The following CRB1 variants were observed in gnomAD, a reference collection of about 807,000 sequenced individuals.
The protein encoded by CRB1 is crumbs cell polarity complex component 1, also known as protein crumbs homolog 1.
Under a neutral mutation model 120.0 loss-of-function variants are expected in CRB1, and 83 were observed. The ratio of observed to expected loss-of-function variants is 0.69; its 90% CI spans 0.58 to 0.83. The LOEUF is 0.83. CRB1 is among the 40% of genes least tolerant of loss of function. CRB1 has a pLI of 0.00. For missense variants in CRB1, 1,699 were observed against 1,687.6 expected (o/e 1.01, Z -0.12); for synonymous variants, 625 against 612.5 (o/e 1.02, Z -0.30).
intron 5 of CRB1, among the ~76,000 whole-genome samples, chr1:197,411,418 T>G (rs1381740934): frequency 6.6e-6 from 1 of 152,192 alleles, no homozygotes; most frequent in Non-Finnish European, 1.5e-5. Flanking sequence ...TATTAGTAAA[T>G]TATTATCAAT....
At chr1:197,474,790 C>G (rs2125568564) in intron 11 of CRB1, among the ~76,000 whole-genome samples, 1 of 152,278 alleles carries the variant, frequency 6.6e-6, no homozygotes. Flanking sequence ...CAACAGATGA[C>G]ATGATTTACC....
chr1:197,285,980 A>G (rs1228600296), intron 1 of CRB1, among the ~76,000 whole-genome samples: 1 of 151,786 alleles, frequency 6.6e-6, no homozygotes, highest in African/African-American at 2.4e-5. Flanking sequence ...CTCAAGACTT[A>G]GAATGTGAGG....
intron 5 of CRB1, among the ~76,000 whole-genome samples, chr1:197,399,266 A>C (rs1662937577): frequency 6.6e-6 from 1 of 152,128 alleles, no homozygotes; most frequent in East Asian, 1.9e-4. Context: ...ACTTTAATGC[A>C]ACTGTTGATT....
intron 11 of CRB1, chr1:197,443,404 T>C (rs1396840488): frequency 6.6e-6 from 1 of 152,030 alleles, no homozygotes; most frequent in African/African-American, 2.4e-5. Context: ...TTTCCTGCAA[T>C]ACTTTCCCTT....
chr1:197,372,047 C>A (rs1310066442), intron 5 of CRB1, among the ~76,000 whole-genome samples: 1 of 152,070 alleles, frequency 6.6e-6, no homozygotes, highest in Non-Finnish European at 1.5e-5. Context: ...ATGAATATGC[C>A]ACTCCATGAG....
chr1:197,389,669 A>G (rs1439819630), intron 5 of CRB1, among the ~76,000 whole-genome samples: 2 of 152,038 alleles, frequency 1.3e-5, no homozygotes, highest in Non-Finnish European at 2.9e-5. Context: ...CTATACTTAA[A>G]ATGATGAAAT....
At chr1:197,227,441 G>C in the CRB1 span, among the ~76,000 whole-genome samples, 4 of 150,218 alleles carry the variant, frequency 2.7e-5, no homozygotes, top group African/African-American at 9.8e-5. Flanking sequence ...GCCCAGGCTG[G>C]AGTGCGTGGC....
chr1:197,241,134 C>T, the CRB1 span, among the ~76,000 whole-genome samples: 7 of 152,208 alleles, frequency 4.6e-5, no homozygotes, highest in South Asian at 4.2e-4. Flanking sequence ...CAAAACTTTT[C>T]TCCCATTCTG....
intron 5 of CRB1, among the ~76,000 whole-genome samples, chr1:197,417,422 A>G (rs1385253500): frequency 6.6e-6 from 1 of 152,228 alleles, no homozygotes; most frequent in Non-Finnish European, 1.5e-5. Context: ...TGGTAGGAGC[A>G]TTAGTAGGCA....
rs145092284 is a variant in CRB1, at chr1:197,424,342, T to C, written c.2128+2386T>C. ...GACCTTGTTGCATTTCTGGAACACA[T>C]GCAAATAAAAATCTCAACTTGCCTG... On this transcript the variant is annotated intron_variant, in intron 6 of 11. Transcript: ENST00000367400. Among the ~76,000 whole-genome samples the C allele has an allele frequency of 6.9e-3, 1,044 of 152,262 alleles. 14 individuals carry two copies. The highest frequency in any genetic ancestry group is 0.024 in the African/African-American group (981 of 41,580).
chr1:197,366,698 A>T (rs1661094577), intron 5 of CRB1, among the ~76,000 whole-genome samples: 1 of 152,190 alleles, frequency 6.6e-6, no homozygotes, highest in South Asian at 2.1e-4. Context: ...TAGTGAGAGG[A>T]ATCAAGACCC....
chr1:197,363,800 G>A, intron 5 of CRB1: 2 of 743,328 alleles, frequency 2.7e-6, no homozygotes, highest in East Asian at 2.6e-5. Flanking sequence ...GCAGAATGGA[G>A]ATTTAAACCC....
chr1:197,334,801 A>G (rs1158127359), intron 2 of CRB1, among the ~76,000 whole-genome samples: 1 of 152,340 alleles, frequency 6.6e-6, no homozygotes, highest in Admixed American at 6.5e-5. Flanking sequence ...TATATTGAGT[A>G]CCTCAATGAA....
intron 2 of CRB1, among the ~76,000 whole-genome samples, chr1:197,329,833 T>G (rs1230931333): frequency 6.6e-6 from 1 of 152,202 alleles, no homozygotes; most frequent in East Asian, 1.9e-4. Context: ...GCTCACCACT[T>G]TCTTACAGTT....
intron 5 of CRB1, among the ~76,000 whole-genome samples, chr1:197,409,483 C>T (rs1663586295): frequency 6.6e-6 from 1 of 151,882 alleles, no homozygotes; most frequent in Non-Finnish European, 1.5e-5. Context: ...ATTTATTGTC[C>T]TATGCTCTAT....
At chr1:197,300,053 G>C (rs1242936840) in intron 1 of CRB1, among the ~76,000 whole-genome samples, 1 of 151,734 alleles carries the variant, frequency 6.6e-6, no homozygotes, top group African/African-American at 2.4e-5. Context: ...CAACTTAATT[G>C]ATAAATGTTC....
At chr1:197,260,216 A>AC in the CRB1 span, among the ~76,000 whole-genome samples, 1 of 151,854 alleles carries the variant, frequency 6.6e-6, no homozygotes, top group Non-Finnish European at 1.5e-5. Context: ...AGGAAGGAGA[A>AC]AAACAACTAA....
At position 197,298,729 on chromosome 1, in the gene CRB1, A is replaced by G. The variant is rs147814873; in HGVS notation, c.71-29693A>G. Among the ~76,000 whole-genome samples, 28 of 152,290 alleles carry G rather than the reference A, an allele frequency of 1.8e-4. No individual in the cohort carries two copies. In the East Asian group the frequency reaches 3.9e-3, roughly 21 times the overall value. On this transcript the variant is annotated intron_variant, in intron 1 of 11. Coordinates refer to ENST00000367400, the MANE Select transcript of CRB1 (RefSeq NM_201253.3). Reference sequence around the variant, plus strand: ...AACAAAGACTCAGAAACGGCCATATATAAGTGGAAAATTATACATAAGAGA... The same window carrying G: ...AACAAAGACTCAGAAACGGCCATATGTAAGTGGAAAATTATACATAAGAGA...
At chr1:197,210,966 A>G in the CRB1 span, among the ~76,000 whole-genome samples, 1 of 152,202 alleles carries the variant, frequency 6.6e-6, no homozygotes, top group Non-Finnish European at 1.5e-5. Flanking sequence ...TCAATAGAAT[A>G]TATATTGAAC....
Sources: gnomAD v4.1 joint callset for allele counts (sites outside exome capture counted in the v4.1 genomes callset) on GRCh38, gnomAD v4.1.1 for gene constraint, MANE v1.5 for transcripts, NCBI Gene and HGNC (gene_info 2026-07-23, HGNC 2026-07-21) for gene names.